Variants in ZFAND4 observed in about 807,000 individuals in gnomAD.
The protein encoded by ZFAND4 is zinc finger AN1-type containing 4.
ZFAND4 carries 43 observed loss-of-function variants against 64.4 expected under a neutral mutation model. The observed-to-expected ratio is 0.67, with a 90% CI of 0.52 to 0.86. The LOEUF (loss-of-function observed/expected upper bound fraction) is 0.86, where lower values mean the gene tolerates loss of function less well. Among genes scored for constraint, ZFAND4 ranks in the 40% least tolerant of loss-of-function variants. The pLI is 0.00. For missense variants in ZFAND4, 929 were observed against 859.8 expected (o/e 1.08, Z -1.01); for synonymous variants, 296 against 305.7 (o/e 0.97, Z 0.33).
rs932022229 is a variant in ZFAND4 at position 45,639,802 on chromosome 10, G to A, written c.717+14C>T. ...AAGCTAGAGATAAGCCTGGTCAAAT[G>A]CCAACAGCTTCACCTTTTTGCTGAG... On this transcript the variant is annotated intron_variant, in intron 6 of 9. Coordinates refer to ENST00000344646, the MANE Select transcript of ZFAND4 (RefSeq NM_174890.4). 4 of 1,603,394 alleles carry A rather than the reference G, an allele frequency of 2.5e-6. No individual in the cohort carries two copies. The highest frequency in any genetic ancestry group is 3.4e-6 in the Non-Finnish European group (4 of 1,175,836).
At position 45,615,527 on chromosome 10, in the gene ZFAND4, TTAAA is replaced by T. The variant is rs542496431; in HGVS notation, c.*905_*908del. 196 of 152,042 alleles carry T rather than the reference TTAAA, an allele frequency of 1.3e-3. No individual in the cohort carries two copies. Among genetic ancestry groups the T allele is most frequent in the African/African-American group, 3.6e-3 (150 of 41,526 alleles). 9.4% of individuals were successfully genotyped at this position (152,042 alleles called of 1,614,324 possible). The stretch of plus-strand genomic sequence containing the variant: ...CACGTAAAATAAATCACTCATTTAA[TTAAA>T]TAGTTTTATAAAAGAAAAATTATTT... On this transcript the variant is annotated 3_prime_UTR_variant, in exon 10 of 10. Transcript: ENST00000344646.
Position 45,616,309 on chromosome 10 carries a change from G to GTATGCAT in ZFAND4, c.*120_*126dup, listed in dbSNP as rs1228084154. The GTATGCAT allele has an allele frequency of 8.3e-7, 1 of 1,210,492 alleles. No homozygotes were observed. The highest frequency in any genetic ancestry group is 1.5e-5 in the African/African-American group (1 of 65,148). 75.0% of individuals were successfully genotyped at this position (1,210,492 alleles called of 1,614,324 possible). ...ACAGTAGCATTCTTGTTCTCCAACAGTATGCATTGTATGCTTTTGTTATTT... is the reference window on the plus strand; with the variant it reads ...ACAGTAGCATTCTTGTTCTCCAACAGTATGCATTATGCATTGTATGCTTTTGTTATTT... On this transcript the variant is annotated 3_prime_UTR_variant, in exon 10 of 10. Coordinates refer to ENST00000344646, the MANE Select transcript of ZFAND4 (RefSeq NM_174890.4).
chr10:45,621,405 C>T (rs1366092876), intron 8 of ZFAND4, among the ~76,000 whole-genome samples: 1 of 142,212 alleles, frequency 7.0e-6, no homozygotes, highest in Non-Finnish European at 1.5e-5. Context: ...TATCTGGGGA[C>T]AAGCAGAGGG....
intron 6 of ZFAND4, among the ~76,000 whole-genome samples, chr10:45,635,200 A>AAAAAAAAAAAAAAAAAAAAAAAAAC (rs2046481228): frequency 6.9e-6 from 1 of 144,842 alleles, no homozygotes; most frequent in Non-Finnish European, 1.5e-5. Context: ...CTAAGCAAAA[A>AAAAAAAAAAAAAAAAAAAAAAAAAC]AAAAAAAAAA....
rs1489231652 is a variant in ZFAND4 at position 45,665,306 on chromosome 10, G to A, written c.-117-1464C>T. ...TGTAATCCCAGCACGTTGGGAGGCC[G>A]AGGTGGGCGGATCACCTGAGGTCAG... is the stretch of plus-strand genomic sequence containing the variant. On this transcript the variant is annotated intron_variant, in intron 1 of 9. Transcript: ENST00000344646. Among the ~76,000 whole-genome samples the A allele has an allele frequency of 3.9e-5, 6 of 152,096 alleles. No individual in the cohort carries two copies. The South Asian group carries it at 6.2e-4, about 16-fold the overall frequency.
rs748963856 is a variant in ZFAND4 at position 45,652,046 on chromosome 10, A to T, written c.261-13T>A. 4 of 1,613,152 alleles carry T rather than the reference A, an allele frequency of 2.5e-6. No individual in the cohort carries two copies. In the African/African-American group the frequency reaches 5.3e-5, roughly 22 times the overall value. On this transcript the variant is annotated splice_polypyrimidine_tract_variant and intron_variant, in intron 3 of 9. Transcript: ENST00000344646. ...CCCTTCTGAAATGCTGTGGATAGTT[A>T]ACACAAAAATAAATCATAATCATCA...
At chr10:45,657,781 C>T (rs979836401) in intron 2 of ZFAND4, among the ~76,000 whole-genome samples, 2 of 151,786 alleles carry the variant, frequency 1.3e-5, no homozygotes, top group African/African-American at 2.4e-5. Flanking sequence ...ATACATATAA[C>T]AATATGATAA....
At chr10:45,667,820 T>A (rs1397599382) in intron 1 of ZFAND4, among the ~76,000 whole-genome samples, 1 of 152,184 alleles carries the variant, frequency 6.6e-6, no homozygotes, top group African/African-American at 2.4e-5. Context: ...AGTACAAGAT[T>A]GAATAAAAGT....
intron 5 of ZFAND4, chr10:45,640,420 CACTA>C: frequency 1.2e-6 from 1 of 832,764 alleles, no homozygotes; most frequent in Non-Finnish European, 1.6e-6. Context: ...AGGAGATTCT[CACTA>C]AAAAAAAAAA....
chr10:45,636,426 A>C (rs1350758419), intron 6 of ZFAND4, among the ~76,000 whole-genome samples: 1 of 152,186 alleles, frequency 6.6e-6, no homozygotes, highest in African/African-American at 2.4e-5. Flanking sequence ...GCTTGAGGTC[A>C]GGAGTTCAAG....
rs774867982 is a variant in ZFAND4 at position 45,648,440 on chromosome 10, T to C, written c.423A>G (p.Thr141=). The change falls in exon 5 of 10, where the codon ACA becomes ACG. Residue 141 remains threonine, a synonymous_variant. Coordinates refer to ENST00000344646, the MANE Select transcript of ZFAND4 (RefSeq NM_174890.4). ...WEKTSCSKQV[T]FLVYQEGDQL... is the part of the protein sequence containing the mutation. ...GATCTCCTTCTTGGTATACCAAAAA[T>C]GTAACTTGTTTGCTGCAGGAGGTCT... 5 of 1,613,970 alleles carry C rather than the reference T, an allele frequency of 3.1e-6. No individual in the cohort carries two copies. In the South Asian group the frequency reaches 5.5e-5, roughly 18 times the overall value.
chr10:45,653,562 T>A (rs773820597), intron 2 of ZFAND4, among the ~76,000 whole-genome samples: 1 of 152,168 alleles, frequency 6.6e-6, no homozygotes, highest in African/African-American at 2.4e-5. Flanking sequence ...AACAAATATA[T>A]TTAAAAAGCT....
At chr10:45,618,696 T>A (rs1404693110) in intron 8 of ZFAND4, among the ~76,000 whole-genome samples, 1 of 152,220 alleles carries the variant, frequency 6.6e-6, no homozygotes, top group African/African-American at 2.4e-5. Context: ...TGCCTTTTAG[T>A]CCTATTACAC....
At position 45,616,476 on chromosome 10, in the gene ZFAND4, G is replaced by A. The variant is rs1185001624; in HGVS notation, c.2144C>T (p.Ala715Val). Reference sequence around the variant, plus strand: ...CTTTGGTGCATTAACCACAGGATTTGCCTCGTGCAAGTATCTCCTCCCTGC... The same window carrying A: ...CTTTGGTGCATTAACCACAGGATTTACCTCGTGCAAGTATCTCCTCCCTGC... ...KSAGRRYLHE[A>V]NPVVNAPKLP... is the part of the protein sequence containing the mutation. The change falls in exon 10 of 10, where the codon GCA (alanine) becomes GTA (valine). Residue 715 changes from alanine to valine, a missense_variant. By Grantham distance (64) the Ala-to-Val change is moderately conservative. Transcript: ENST00000344646. 5.0e-6 allele frequency: 8 copies of A among 1,614,142 alleles called. No individual in the cohort carries two copies. The highest frequency in any genetic ancestry group is 6.8e-6 in the Non-Finnish European group (8 of 1,180,020).
intron 1 of ZFAND4, among the ~76,000 whole-genome samples, chr10:45,667,458 C>CCTTTTTTTT (rs1564639790): frequency 3.3e-5 from 3 of 90,662 alleles, no homozygotes; most frequent in Non-Finnish European, 6.3e-5. Context: ...TCTTTTCTTT[C>CCTTTTTTTT]TTTTTTTTTT....
chr10:45,617,598 A>G (rs1476542207), intron 9 of ZFAND4, among the ~76,000 whole-genome samples: 1 of 150,742 alleles, frequency 6.6e-6, no homozygotes, highest in Non-Finnish European at 1.5e-5. Context: ...ACTGAAAAAA[A>G]AAAAAAAAAA....
Position 45,615,558 on chromosome 10 carries a change from T to C in ZFAND4, c.*878A>G, listed in dbSNP as rs1386921953. ...AGTTTTATAAAAGAAAAATTATTTA[T>C]AAAAGAAAAACTATTATAAATAAAT... is the stretch of plus-strand genomic sequence containing the variant. On this transcript the variant is annotated 3_prime_UTR_variant, in exon 10 of 10. Coordinates refer to ENST00000344646, the MANE Select transcript of ZFAND4 (RefSeq NM_174890.4). The C allele has an allele frequency of 6.6e-6, 1 of 151,896 alleles. No homozygotes were observed. The highest frequency in any genetic ancestry group is 1.5e-5 in the Non-Finnish European group (1 of 67,964). The allele number at this position is 151,896 out of a possible 1,614,324, so 9.4% of individuals were successfully genotyped here. A position where few individuals can be genotyped will look rare whatever the true frequency, so the allele number is the denominator to read the frequency against.
chr10:45,656,140 A>G (rs1302909562), intron 2 of ZFAND4, among the ~76,000 whole-genome samples: 3 of 152,200 alleles, frequency 2.0e-5, no homozygotes, highest in Non-Finnish European at 4.4e-5. Flanking sequence ...CTGAGGCAGG[A>G]GAATGGCTTG....
At chr10:45,643,599 G>T (rs188743200) in intron 5 of ZFAND4, among the ~76,000 whole-genome samples, 1 of 151,024 alleles carries the variant, frequency 6.6e-6, no homozygotes, top group East Asian at 2.0e-4. Context: ...GAATCTGGGA[G>T]GCAGAGGTTG....
Sources: allele counts gnomAD v4.1 joint callset (sites outside exome capture counted in the v4.1 genomes callset), GRCh38; gene constraint gnomAD v4.1.1; transcripts MANE v1.5; gene names NCBI Gene and HGNC (gene_info 2026-07-23, HGNC 2026-07-21).